Variants in STX4 observed in about 807,000 individuals in gnomAD.
The protein encoded by STX4 is syntaxin-4.
STX4 carries 24 observed loss-of-function variants against 41.8 expected under a neutral mutation model. The observed-to-expected ratio is 0.57, with a 90% CI of 0.42 to 0.81. STX4 has a LOEUF of 0.81. STX4 is among the 30% of genes least tolerant of loss of function. STX4 has a pLI of 0.00. For missense variants in STX4, 316 were observed against 389.9 expected (o/e 0.81, Z 1.60); for synonymous variants, 158 against 156.4 (o/e 1.01, Z -0.08).
Position 31,033,558 on chromosome 16 carries a change from G to A in STX4, c.-248G>A. The A allele has an allele frequency of 6.5e-7, 1 of 1,546,484 alleles. No individual in the cohort carries two copies. Among genetic ancestry groups the A allele is most frequent in the Non-Finnish European group, 8.7e-7 (1 of 1,144,164 alleles). On this transcript the variant is annotated 5_prime_UTR_variant, in exon 1 of 11. Coordinates refer to ENST00000313843, the MANE Select transcript of STX4 (RefSeq NM_004604.5). This position sits in a 1 kb window ranked among gnomAD's most constrained non-coding sequence, Gnocchi z 5.5. ...CCCGAATTTATCACGGAGGGGCGGG[G>A]CTGAGGCTGCGGGAGCTGGAGCGGG...
At chr16:31,033,255 G>A (rs1273275379), upstream of STX4, 11 of 684,548 alleles carry the variant, frequency 1.6e-5, no homozygotes, top group Non-Finnish European at 3.0e-5. The surrounding 1 kb of genome is among the most constrained non-coding windows in gnomAD (Gnocchi z 5.5). Flanking sequence ...GACAGTCACA[G>A]GGTCACATTC....
intron 7 of STX4, 117 bp downstream of exon 7, chr16:31,038,307 G>A: frequency 7.1e-7 from 1 of 1,413,252 alleles, no homozygotes; most frequent in Non-Finnish European, 9.8e-7. Context: ...GAGTAGCTGG[G>A]ACTATAGGTG....
chr16:31,038,643 T>C lies in STX4; in HGVS notation c.698T>C (p.Met233Thr). 1 of 1,613,948 alleles carries C rather than the reference T, an allele frequency of 6.2e-7. No individual in the cohort carries two copies. The highest frequency in any genetic ancestry group is 8.5e-7 in the Non-Finnish European group (1 of 1,179,984). ...ACTTTTCTGGCTACCGAAGTGGAGA[T>C]GCAGGTGGGTGCCCCGCGCAGCCCC... The part of the protein sequence containing the change: ...IFTFLATEVE[M>T]QGEMINRIEK... The change falls in exon 8 of 11, where the codon ATG (methionine) becomes ACG (threonine). Residue 233 changes from methionine to threonine, a missense_variant. Coordinates refer to ENST00000313843, the MANE Select transcript of STX4 (RefSeq NM_004604.5).
Position 31,039,677 on chromosome 16 carries a change from C to T in STX4, c.813+26C>T. On this transcript the variant is annotated intron_variant, in intron 9 of 10. Coordinates refer to ENST00000313843, the MANE Select transcript of STX4 (RefSeq NM_004604.5). This position sits in a 1 kb window ranked among gnomAD's most constrained non-coding sequence, Gnocchi z 4.1. ...GTGAGCCTCCCAGGCCCGGCCACTGCCCCAGGCACCCTGTGTGACTTCCCT... is the reference window on the plus strand; with the variant it reads ...GTGAGCCTCCCAGGCCCGGCCACTGTCCCAGGCACCCTGTGTGACTTCCCT... 1 of 1,614,108 alleles carries T rather than the reference C, an allele frequency of 6.2e-7. No homozygotes were observed.
upstream of STX4, chr16:31,033,190 G>GA (rs1468253054): frequency 1.1e-5 from 7 of 609,112 alleles, no homozygotes; most frequent in Non-Finnish European, 1.9e-5. The surrounding 1 kb of genome is among the most constrained non-coding windows in gnomAD (Gnocchi z 5.5). Context: ...GGGTGCCGGG[G>GA]ACGTCGTGAT....
Position 31,037,982 on chromosome 16 carries a change from G to A in STX4, c.435G>A (p.Gln145=). The A allele has an allele frequency of 6.2e-7, 1 of 1,614,200 alleles. No homozygotes were observed. Among genetic ancestry groups the A allele is most frequent in the Non-Finnish European group, 8.5e-7 (1 of 1,180,032 alleles). Residue 145 remains glutamine, a synonymous_variant, in exon 6 of 11, where the codon CAG becomes CAA. Transcript: ENST00000313843. ...TCATCAACAAGTGCAATTCAATGCA[G>A]TCCGAATACCGGGAGAAGAACGTGG... ...VELINKCNSM[Q]SEYREKNVER...
chr16:31,039,554 A>T lies in STX4; in HGVS notation c.716A>T (p.Asn239Ile), dbSNP rs562489469. 5.6e-6 allele frequency: 9 copies of T among 1,613,944 alleles called. No individual in the cohort carries two copies. The highest frequency in any genetic ancestry group is 2.7e-5 in the African/African-American group (2 of 74,902). ...TCCTCTGAGCAGGGGGAGATGATCAATCGGATTGAGAAGAACATCCTGAGC... is the reference window on the plus strand; with the variant it reads ...TCCTCTGAGCAGGGGGAGATGATCATTCGGATTGAGAAGAACATCCTGAGC... ...TEVEMQGEMI[N>I]RIEKNILSSA... The change falls in exon 9 of 11, where the codon AAT becomes ATT. Residue 239 changes from asparagine to isoleucine, a missense_variant. Asn to Ile is a moderately radical substitution (Grantham distance 149). Transcript: ENST00000313843. The surrounding 1 kb of genome is among the most constrained non-coding windows in gnomAD (Gnocchi z 4.1).
Position 31,038,100 on chromosome 16 carries a change from CT to C in STX4, c.488-10del. The C allele has an allele frequency of 6.2e-6, 10 of 1,614,176 alleles. 1 individual carries two copies. The highest frequency in any genetic ancestry group is 8.5e-6 in the Non-Finnish European group (10 of 1,180,028). ...ATCCCAACCCAACCCTGAGCCTGGC[CT>C]TTTCCTTCACAGCCAATGCTGGGAT... On this transcript the variant is annotated splice_polypyrimidine_tract_variant and intron_variant, in intron 6 of 10. Transcript: ENST00000313843.
chr16:31,036,452 G>A (rs72800858), intron 5 of STX4, among the ~76,000 whole-genome samples: 25,681 of 152,012 alleles, frequency 0.17, 2,717 homozygotes, highest in Non-Finnish European at 0.24. Context: ...ATCTCTAGGC[G>A]TAGGAGCTGT....
Position 31,034,523 on chromosome 16 carries a change from C to T in STX4, c.294C>T (p.Arg98=), listed in dbSNP as rs772080475. 4 of 1,597,046 alleles carry T rather than the reference C, an allele frequency of 2.5e-6. No individual in the cohort carries two copies. The highest frequency in any genetic ancestry group is 3.4e-6 in the Non-Finnish European group (4 of 1,170,152). ...TCAAACAGCTGGGGAGGGAGATCCG[C>T]CTGCAGCTGAAGGGTGAGCTCCTGG... The part of the protein sequence containing the change: ...DEIKQLGREI[R]LQLKAIEPQK... Residue 98 remains arginine, a synonymous_variant, in exon 4 of 11, where the codon CGC becomes CGT. Coordinates refer to ENST00000313843, the MANE Select transcript of STX4 (RefSeq NM_004604.5).
chr16:31,038,673 G>A lies in STX4; in HGVS notation c.702+26G>A, dbSNP rs199544076. 1.2e-4 allele frequency: 197 copies of A among 1,611,866 alleles called. 1 individual carries two copies. In the African/African-American group the frequency reaches 2.3e-3, roughly 19 times the overall value. ...GTGGGTGCCCCGCGCAGCCCCAGAC[G>A]TGAGACCAGGCTCAGTCCAAACTGC... On this transcript the variant is annotated intron_variant, in intron 8 of 10. Transcript: ENST00000313843.
Position 31,039,279 on chromosome 16 carries a change from G to A in STX4, c.703-262G>A. On this transcript the variant is annotated intron_variant, in intron 8 of 10. Transcript: ENST00000313843. The surrounding 1 kb of genome is among the most constrained non-coding windows in gnomAD (Gnocchi z 4.1). ...AGGCACAGTTCACCATCTGTGAAAG[G>A]TATGAGCCATTTGAGGCCCTTAGCT... 2.1e-6 allele frequency: 1 copy of A among 465,388 alleles called. No individual in the cohort carries two copies. The allele number at this position is 465,388 out of a possible 1,614,324, so 28.8% of individuals were successfully genotyped here.
intron 5 of STX4, among the ~76,000 whole-genome samples, chr16:31,036,980 C>A (rs1042876620): frequency 7.3e-5 from 11 of 150,708 alleles, no homozygotes; most frequent in Non-Finnish European, 1.5e-4. Context: ...CCTGTAATCC[C>A]AGCACTTTGG....
Position 31,033,967 on chromosome 16 carries a change from A to G in STX4, c.31-46A>G. On this transcript the variant is annotated intron_variant, in intron 1 of 10. Transcript: ENST00000313843. This position sits in a 1 kb window ranked among gnomAD's most constrained non-coding sequence, Gnocchi z 5.5. Reference sequence around the variant, plus strand: ...CGGAAGCCTGTGGGTCCTGCGGGGTAAGAGCCGCAGCGAAACGGTGGTGCC... The same window carrying G: ...CGGAAGCCTGTGGGTCCTGCGGGGTGAGAGCCGCAGCGAAACGGTGGTGCC... 6.6e-7 allele frequency: 1 copy of G among 1,517,322 alleles called. No homozygotes were observed. The highest frequency in any genetic ancestry group is 8.9e-7 in the Non-Finnish European group (1 of 1,128,714). The allele number at this position is 1,517,322 out of a possible 1,614,324, so 94.0% of individuals were successfully genotyped here. A position where few individuals can be genotyped will look rare whatever the true frequency, so the allele number is the denominator to read the frequency against.
Position 31,034,037 on chromosome 16 carries a change from G to A in STX4, c.55G>A (p.Asp19Asn), listed in dbSNP as rs370946455. The change falls in exon 2 of 11, where the codon GAC becomes AAC. Residue 19 changes from aspartate (D) to asparagine (N), a missense_variant. By Grantham distance (23) the Asp-to-Asn change is conservative (BLOSUM62 1). Transcript: ENST00000313843. ...GGGGGATGACAGCTCGGACGAAGAG[G>A]ACAAGGAGCGGGTCGCGCTGGTGGT... is the stretch of plus-strand genomic sequence containing the variant. ...RQGDDSSDEE[D>N]KERVALVVHP... is the part of the protein sequence containing the mutation. 2 of 1,608,110 alleles carry A rather than the reference G, an allele frequency of 1.2e-6. No individual in the cohort carries two copies. The highest frequency in any genetic ancestry group is 1.7e-5 in the Admixed American group (1 of 59,224).
rs1596734089 is a variant in STX4, at chr16:31,034,031, G to A, written c.49G>A (p.Glu17Lys). ...ELRQGDDSSD[E>K]EDKERVALVV... ...CTGGCAGGGGGATGACAGCTCGGAC[G>A]AAGAGGACAAGGAGCGGGTCGCGCT... is the stretch of plus-strand genomic sequence containing the variant. Residue 17 changes from glutamate (E) to lysine (K), a missense_variant, in exon 2 of 11, where the codon GAA (glutamate) becomes AAA (lysine). Physicochemically the swap from Glu to Lys is moderately conservative, Grantham distance 56. Coordinates refer to ENST00000313843, the MANE Select transcript of STX4 (RefSeq NM_004604.5). The A allele has an allele frequency of 6.2e-7, 1 of 1,604,520 alleles. No homozygotes were observed. Among genetic ancestry groups the A allele is most frequent in the Non-Finnish European group, 8.5e-7 (1 of 1,174,106 alleles).
At position 31,034,456 on chromosome 16, in the gene STX4, A is replaced by G; in HGVS notation, c.233-6A>G. On this transcript the variant is annotated splice_polypyrimidine_tract_variant and splice_region_variant and intron_variant, in intron 3 of 10. Transcript: ENST00000313843. Reference sequence around the variant, plus strand: ...TGTTTGGGAGTCTTGGCCTTCTCTTATTCAGGCATGAAGCAGGAGCTGCAG... The same window carrying G: ...TGTTTGGGAGTCTTGGCCTTCTCTTGTTCAGGCATGAAGCAGGAGCTGCAG... 1 of 1,601,376 alleles carries G rather than the reference A, an allele frequency of 6.2e-7. No individual in the cohort carries two copies. Among genetic ancestry groups the G allele is most frequent in the Non-Finnish European group, 8.5e-7 (1 of 1,172,048 alleles).
At chr16:31,034,937 A>C in intron 4 of STX4, 33 bp from the exon 5 acceptor site, 1 of 1,523,454 alleles carries the variant, frequency 6.6e-7, no homozygotes, top group Non-Finnish European at 8.8e-7. Context: ...CTATGGAGAC[A>C]AGTACCCCCA....
Position 31,039,489 on chromosome 16 carries a change from G to T in STX4, c.703-52G>T. 1.9e-6 allele frequency: 3 copies of T among 1,566,806 alleles called. No individual in the cohort carries two copies. The highest frequency in any genetic ancestry group is 2.6e-6 in the Non-Finnish European group (3 of 1,141,100). ...GGAATGTTCTTCAGTCATCTGGGGT[G>T]GGGTGGGCAAAGGCATCCTTACCTC... On this transcript the variant is annotated intron_variant, in intron 8 of 10. Coordinates refer to ENST00000313843, the MANE Select transcript of STX4 (RefSeq NM_004604.5). This position sits in a 1 kb window ranked among gnomAD's most constrained non-coding sequence, Gnocchi z 4.1.
Sources: allele counts gnomAD v4.1 joint callset (sites outside exome capture counted in the v4.1 genomes callset), GRCh38; gene constraint gnomAD v4.1.1; non-coding constraint Gnocchi (gnomAD v3.1); transcripts MANE v1.5; gene names NCBI Gene and HGNC (gene_info 2026-07-23, HGNC 2026-07-21).